DOCK5: variants seen among roughly 807,000 people sequenced by gnomAD.
The protein encoded by DOCK5 is dedicator of cytokinesis protein 5.
In DOCK5, 142 loss-of-function variants were observed where a neutral mutation model predicts 251.8. That is an observed-to-expected ratio of 0.56 (90% CI 0.49 to 0.65). DOCK5 has a LOEUF of 0.65. DOCK5 is among the 30% of genes least tolerant of loss of function. The probability of loss-of-function intolerance (pLI) is 0.00; values close to 1 mark genes in which losing one functional copy is unlikely to be tolerated. For synonymous variants in DOCK5, 842 were observed against 835.5 expected (o/e 1.01, Z -0.13); for missense variants, 2,111 against 2,312.3 (o/e 0.91, Z 1.79).
At position 25,256,092 on chromosome 8, in the gene DOCK5, A is replaced by G. The variant is rs146107024; in HGVS notation, c.127+12335A>G. Among the ~76,000 whole-genome samples, 36 of 152,342 alleles carry G rather than the reference A, an allele frequency of 2.4e-4. No individual in the cohort carries two copies. The East Asian group carries it at 5.0e-3, about 21-fold the overall frequency. On this transcript the variant is annotated intron_variant, in intron 2 of 51. Coordinates refer to ENST00000276440, the MANE Select transcript of DOCK5 (RefSeq NM_024940.8). Reference sequence around the variant, plus strand: ...TTCAAGCTACAAATAAGAATGGACAAGGCAACACAGGAAAGTTTCTAGTTA... The same window carrying G: ...TTCAAGCTACAAATAAGAATGGACAGGGCAACACAGGAAAGTTTCTAGTTA...
chr8:25,351,290 C>T (rs552887569), intron 26 of DOCK5: 69 of 158,462 alleles, frequency 4.4e-4, no homozygotes, highest in Non-Finnish European at 7.6e-4. Flanking sequence ...GAACTCCTGA[C>T]CTTGTAATCC....
chr8:25,376,051 A>T, intron 37 of DOCK5: 1 of 957,432 alleles, frequency 1.0e-6, no homozygotes, highest in Non-Finnish European at 1.2e-6. Context: ...GTATGCTGAG[A>T]TGGTGCCACC....
Position 25,316,576 on chromosome 8 carries a change from A to G in DOCK5, c.1319-431A>G, listed in dbSNP as rs547210554. On this transcript the variant is annotated intron_variant, in intron 13 of 51. Coordinates refer to ENST00000276440, the MANE Select transcript of DOCK5 (RefSeq NM_024940.8). The stretch of plus-strand genomic sequence containing the variant: ...AACAAGTTAGTCTATAATCGATTAC[A>G]TTAATACATATAAGACATTTTGACC... 9.2e-5 allele frequency among the ~76,000 whole-genome samples: 14 copies of G among 152,356 alleles called. No homozygotes were observed. The East Asian group carries it at 1.7e-3, about 19-fold the overall frequency.
chr8:25,340,830 C>T, intron 22 of DOCK5, 47 bp from the exon 23 acceptor site: 1 of 1,499,894 alleles, frequency 6.7e-7, no homozygotes, highest in Non-Finnish European at 9.2e-7. Context: ...TTTAAAATTT[C>T]TTTTAACAAT....
chr8:25,197,049 TTAG>T (rs545844822), intron 1 of DOCK5, among the ~76,000 whole-genome samples: 18 of 151,906 alleles, frequency 1.2e-4, no homozygotes, highest in African/African-American at 4.3e-4. Flanking sequence ...AAAAAAAAAA[TTAG>T]TAGAAAGAAA....
chr8:25,251,538 A>C (rs561315387), intron 2 of DOCK5, among the ~76,000 whole-genome samples: 1 of 152,352 alleles, frequency 6.6e-6, no homozygotes, highest in South Asian at 2.1e-4. Context: ...AAAAGGAATA[A>C]AAATGTATTA....
intron 6 of DOCK5, among the ~76,000 whole-genome samples, chr8:25,293,136 A>G (rs1804537089): frequency 2.0e-5 from 3 of 152,318 alleles, no homozygotes; most frequent in Middle Eastern, 6.8e-3. Flanking sequence ...TTAAAAGGCA[A>G]AAGTGGTTCC....
At chr8:25,296,411 T>C in intron 6 of DOCK5, 102 bp from the exon 7 acceptor site, 1 of 1,445,254 alleles carries the variant, frequency 6.9e-7, no homozygotes, top group Non-Finnish European at 9.3e-7. Context: ...GTCCAGCATC[T>C]CCCTTTCTAA....
At chr8:25,356,499 T>TA (rs1039394646) in intron 27 of DOCK5, among the ~76,000 whole-genome samples, 1 of 151,352 alleles carries the variant, frequency 6.6e-6, no homozygotes, top group East Asian at 1.9e-4. Flanking sequence ...GACCCTGTCT[T>TA]AAAAAAAATA....
chr8:25,336,112 T>C, intron 21 of DOCK5, 127 bp from the exon 22 acceptor site: 1 of 1,053,146 alleles, frequency 9.5e-7, no homozygotes, highest in Non-Finnish European at 1.4e-6. Context: ...TCAGGGCATA[T>C]TCTAGAAGAT....
chr8:25,366,815 C>A, intron 30 of DOCK5, 55 bp from the exon 31 acceptor site: 1 of 1,347,422 alleles, frequency 7.4e-7, no homozygotes, highest in Non-Finnish European at 1.1e-6. Context: ...TTTATTATGG[C>A]CCTTATTAAT....
chr8:25,191,077 T>C (rs1801572164), intron 1 of DOCK5, among the ~76,000 whole-genome samples: 1 of 152,340 alleles, frequency 6.6e-6, no homozygotes, highest in Non-Finnish European at 1.5e-5. Context: ...TTAGTATTCA[T>C]TGAGAACTTC....
intron 22 of DOCK5, among the ~76,000 whole-genome samples, chr8:25,339,234 G>A (rs533381577): frequency 2.0e-5 from 3 of 152,162 alleles, no homozygotes; most frequent in African/African-American, 7.2e-5. Flanking sequence ...TACCTGGCTG[G>A]ATTTCACCTC....
intron 1 of DOCK5, among the ~76,000 whole-genome samples, chr8:25,228,603 G>A (rs768774414): frequency 4.6e-5 from 7 of 152,198 alleles, no homozygotes; most frequent in African/African-American, 7.2e-5. Context: ...TAGCTTCTGT[G>A]TCTTTGGGTT....
chr8:25,312,327 G>C (rs1002062469), intron 13 of DOCK5, among the ~76,000 whole-genome samples: 3 of 152,210 alleles, frequency 2.0e-5, no homozygotes, highest in African/African-American at 7.2e-5. Context: ...GGTGACAGCA[G>C]GGTTGGCTTC....
intron 2 of DOCK5, among the ~76,000 whole-genome samples, chr8:25,247,936 T>C (rs1044070522): frequency 6.6e-6 from 1 of 152,014 alleles, no homozygotes; most frequent in African/African-American, 2.4e-5. Context: ...CCGCTCTTCT[T>C]AACTGCTACC....
In DOCK5 at chr8:25,296,662, A is replaced by G. The variant is rs901908776; in HGVS notation, c.606+14A>G. Reference sequence around the variant, plus strand: ...CAAGAAGAGAAGGTACAGTTCCTCAAATGTGAAATTCTGCCCACTGAGGTT... The same window carrying G: ...CAAGAAGAGAAGGTACAGTTCCTCAGATGTGAAATTCTGCCCACTGAGGTT... On this transcript the variant is annotated intron_variant, in intron 7 of 51. Coordinates refer to ENST00000276440, the MANE Select transcript of DOCK5 (RefSeq NM_024940.8). The G allele has an allele frequency of 6.2e-7, 1 of 1,611,726 alleles. No homozygotes were observed. Among genetic ancestry groups the G allele is most frequent in the African/African-American group, 1.3e-5 (1 of 75,018 alleles).
chr8:25,272,266 C>T (rs558420497), intron 3 of DOCK5, among the ~76,000 whole-genome samples: 6 of 152,228 alleles, frequency 3.9e-5, no homozygotes, highest in East Asian at 1.9e-4. Flanking sequence ...TGGGCTCAAG[C>T]GATCCTCTTG....
chr8:25,205,904 A>C (rs1801989092), intron 1 of DOCK5, among the ~76,000 whole-genome samples: 1 of 152,246 alleles, frequency 6.6e-6, no homozygotes, highest in African/African-American at 2.4e-5. Context: ...AACACTTAAG[A>C]GAAGTGGACA....
Sources: allele counts gnomAD v4.1 joint callset (sites outside exome capture counted in the v4.1 genomes callset), GRCh38; gene constraint gnomAD v4.1.1; transcripts MANE v1.5; gene names NCBI Gene and HGNC (gene_info 2026-07-23, HGNC 2026-07-21).